Variants in BCAS3 observed in about 807,000 individuals in gnomAD.
The protein encoded by BCAS3 is BCAS4/BCAS3 fusion.
In BCAS3, 53 loss-of-function variants were observed where a neutral mutation model predicts 116.1. The observed-to-expected ratio is 0.46, with a 90% CI of 0.37 to 0.57. The LOEUF (loss-of-function observed/expected upper bound fraction) is 0.57. Among genes scored for constraint, BCAS3 ranks in the 20% least tolerant of loss-of-function variants. The pLI, the probability that BCAS3 is intolerant of heterozygous loss-of-function variation, is 0.00. For synonymous variants in BCAS3, 391 were observed against 408.2 expected (o/e 0.96, Z 0.51); for missense variants, 917 against 1,165.4 (o/e 0.79, Z 3.10).
At chr17:60,707,769 T>C (rs1452304699) in intron 4 of BCAS3, among the ~76,000 whole-genome samples, 1 of 152,222 alleles carries the variant, frequency 6.6e-6, no homozygotes. Context: ...ATATGATTTT[T>C]TGCCTTTATT....
rs778321518 is a variant in BCAS3 at position 61,118,256 on chromosome 17, T to C, written c.2425+33692T>C. On this transcript the variant is annotated intron_variant, in intron 22 of 23. Coordinates refer to ENST00000407086, the MANE Select transcript of BCAS3 (RefSeq NM_017679.5). The surrounding 1 kb of genome is among the most constrained non-coding windows in gnomAD (Gnocchi z 5.0). ...CACTACTGTTACCACCCAATCAGGT[T>C]ACTACTTGGGAGAGATGGAAGTCCC... 1.3e-5 allele frequency among the ~76,000 whole-genome samples: 2 copies of C among 152,328 alleles called. No individual in the cohort carries two copies. The highest frequency in any genetic ancestry group is 4.1e-4 in the South Asian group (2 of 4,832).
In BCAS3 at chr17:61,140,236, CA is replaced by C. The variant is rs572258558; in HGVS notation, c.2425+55680del. On this transcript the variant is annotated intron_variant, in intron 22 of 23. Transcript: ENST00000407086. The surrounding 1 kb of genome is among the most constrained non-coding windows in gnomAD (Gnocchi z 4.2). ...TGGGTGACAGAGCAAGACTCCATCT[CA>C]AAAAAAAGGAACAGAGTCACCAAGA... 6.6e-6 allele frequency among the ~76,000 whole-genome samples: 1 copy of C among 151,312 alleles called. No homozygotes were observed. Among genetic ancestry groups the C allele is most frequent in the Non-Finnish European group, 1.5e-5 (1 of 67,824 alleles).
chr17:61,023,601 A>G lies in BCAS3; in HGVS notation c.1637+7700A>G, dbSNP rs2066019377. Reference sequence around the variant, plus strand: ...CTTCGTGTTTACCTTGTTTTCAGCTAGTAAGATTGAAGACTTTGTGGCACC... The same window carrying G: ...CTTCGTGTTTACCTTGTTTTCAGCTGGTAAGATTGAAGACTTTGTGGCACC... On this transcript the variant is annotated intron_variant, in intron 16 of 23. Coordinates refer to ENST00000407086, the MANE Select transcript of BCAS3 (RefSeq NM_017679.5). This position sits in a 1 kb window ranked among gnomAD's most constrained non-coding sequence, Gnocchi z 4.8. 6.6e-6 allele frequency among the ~76,000 whole-genome samples: 1 copy of G among 152,170 alleles called. No individual in the cohort carries two copies. The highest frequency in any genetic ancestry group is 1.5e-5 in the Non-Finnish European group (1 of 68,010).
intron 22 of BCAS3, among the ~76,000 whole-genome samples, chr17:61,172,661 A>G (rs2078911640): frequency 6.7e-6 from 1 of 148,940 alleles, no homozygotes; most frequent in Admixed American, 6.7e-5. Context: ...AAAATAATTC[A>G]TATTCTGAGT....
intron 22 of BCAS3, among the ~76,000 whole-genome samples, chr17:61,255,050 C>A (rs947807309): frequency 2.0e-5 from 3 of 152,072 alleles, no homozygotes; most frequent in Admixed American, 6.6e-5. Flanking sequence ...ACTTTGGTTT[C>A]ATTAATCTCA....
intron 10 of BCAS3, among the ~76,000 whole-genome samples, chr17:60,893,600 C>CTTTTTTTTTTTTTTTTT (rs930873750): frequency 1.2e-5 from 1 of 82,054 alleles, no homozygotes; most frequent in Admixed American, 1.4e-4. Context: ...GACCTATGAT[C>CTTTTTTTTTTTTTTTTT]TTTTTTTTTT....
Position 60,997,263 on chromosome 17 carries a change from C to T in BCAS3, c.1486+7028C>T, listed in dbSNP as rs375564031. 3.3e-5 allele frequency among the ~76,000 whole-genome samples: 5 copies of T among 152,170 alleles called. No homozygotes were observed. In the Middle Eastern group the frequency reaches 9.5e-3, roughly 289 times the overall value. Reference sequence around the variant, plus strand: ...GTTTCGTACAGGCCACAGACCGGTACCAGTCCACCACCTGGGAGTTGGGAA... The same window carrying T: ...GTTTCGTACAGGCCACAGACCGGTATCAGTCCACCACCTGGGAGTTGGGAA... On this transcript the variant is annotated intron_variant, in intron 15 of 23. Transcript: ENST00000407086.
At chr17:61,207,199 C>T (rs1177855044) in intron 22 of BCAS3, among the ~76,000 whole-genome samples, 1 of 152,080 alleles carries the variant, frequency 6.6e-6, no homozygotes, top group Non-Finnish European at 1.5e-5. Context: ...TATTTTTCTT[C>T]TCTGTCCTTA....
chr17:60,851,593 A>G lies in BCAS3; in HGVS notation c.477-16983A>G, dbSNP rs1022873710. The G allele has an allele frequency of 6.3e-6, 4 of 635,122 alleles. No homozygotes were observed. In the African/African-American group the frequency reaches 7.4e-5, roughly 12 times the overall value. 39.3% of individuals were successfully genotyped at this position (635,122 alleles called of 1,614,324 possible). On this transcript the variant is annotated intron_variant, in intron 7 of 23. Transcript: ENST00000407086. Reference sequence around the variant, plus strand: ...CCCAAAACTTGGGTTAAAGCTTGAAACGAGGAAGTACAAATAAAAGGGCAA... The same window carrying G: ...CCCAAAACTTGGGTTAAAGCTTGAAGCGAGGAAGTACAAATAAAAGGGCAA...
intron 6 of BCAS3, among the ~76,000 whole-genome samples, chr17:60,787,282 A>G (rs1344401578): frequency 6.6e-6 from 1 of 152,190 alleles, no homozygotes; most frequent in African/African-American, 2.4e-5. Flanking sequence ...AAGTTCTCAC[A>G]TGTACTTTCC....
At chr17:60,813,710 G>A (rs1441218295) in intron 7 of BCAS3, among the ~76,000 whole-genome samples, 2 of 152,060 alleles carry the variant, frequency 1.3e-5, no homozygotes, top group African/African-American at 4.8e-5. Context: ...AATTGCTTTT[G>A]AGGACTTTGC....
At chr17:60,892,795 G>A (rs370918337) in intron 10 of BCAS3, among the ~76,000 whole-genome samples, 11 of 152,044 alleles carry the variant, frequency 7.2e-5, no homozygotes, top group South Asian at 4.2e-4. Flanking sequence ...GGTGGTGGGC[G>A]CCTGTAGTCC....
chr17:60,701,697 C>T (rs538639399), intron 4 of BCAS3, among the ~76,000 whole-genome samples: 4 of 151,888 alleles, frequency 2.6e-5, no homozygotes, highest in African/African-American at 4.8e-5. Flanking sequence ...CGGTGGCTCA[C>T]GCCTGTAATC....
At position 60,956,774 on chromosome 17, in the gene BCAS3, AC is replaced by A. The variant is rs1176567228; in HGVS notation, c.1221+9424del. ...GAATTTCTAAACCCCAAATACCAGG[AC>A]CTCAGTGACCACAAAATTAATTTTA... On this transcript the variant is annotated intron_variant, in intron 14 of 23. Transcript: ENST00000407086. The surrounding 1 kb of genome is among the most constrained non-coding windows in gnomAD (Gnocchi z 4.2). Among the ~76,000 whole-genome samples the A allele has an allele frequency of 6.6e-6, 1 of 152,150 alleles. No homozygotes were observed. Among genetic ancestry groups the A allele is most frequent in the Non-Finnish European group, 1.5e-5 (1 of 68,012 alleles).
Position 61,377,319 on chromosome 17 carries a change from G to A in BCAS3, c.2593+8825G>A, listed in dbSNP as rs371449226. On this transcript the variant is annotated intron_variant, in intron 23 of 23. Coordinates refer to ENST00000407086, the MANE Select transcript of BCAS3 (RefSeq NM_017679.5). The surrounding 1 kb of genome is among the most constrained non-coding windows in gnomAD (Gnocchi z 4.6). Reference sequence around the variant, plus strand: ...GACAAGAGGGAGCAGCTGCGCCAGCGAGACTGTGGGACAGCCGGTGGCCTC... The same window carrying A: ...GACAAGAGGGAGCAGCTGCGCCAGCAAGACTGTGGGACAGCCGGTGGCCTC... 1.3e-5 allele frequency among the ~76,000 whole-genome samples: 2 copies of A among 152,318 alleles called. No individual in the cohort carries two copies. Among genetic ancestry groups the A allele is most frequent in the Admixed American group, 6.5e-5 (1 of 15,306 alleles).
chr17:61,038,661 T>C (rs955133033), intron 18 of BCAS3, among the ~76,000 whole-genome samples: 3 of 135,824 alleles, frequency 2.2e-5, no homozygotes, highest in African/African-American at 3.7e-5. Context: ...GTTTTGTTTT[T>C]GTTTTTGTTT....
intron 10 of BCAS3, among the ~76,000 whole-genome samples, chr17:60,897,790 A>G (rs565969210): frequency 1.5e-4 from 23 of 152,260 alleles, no homozygotes; most frequent in South Asian, 6.2e-4. Flanking sequence ...ATCACAGCTC[A>G]CTGCAGCCTA....
rs1419148698 is a variant in BCAS3 at position 61,105,472 on chromosome 17, T to C, written c.2425+20908T>C. Among the ~76,000 whole-genome samples the C allele has an allele frequency of 1.3e-5, 2 of 152,230 alleles. No individual in the cohort carries two copies. Among genetic ancestry groups the C allele is most frequent in the Non-Finnish European group, 2.9e-5 (2 of 68,038 alleles). ...AGAGTTTCGCTCTTGTTGCCCAGGC[T>C]GCAGTGCAATGGCGCGACCTTGGCT... is the stretch of plus-strand genomic sequence containing the variant. On this transcript the variant is annotated intron_variant, in intron 22 of 23. Coordinates refer to ENST00000407086, the MANE Select transcript of BCAS3 (RefSeq NM_017679.5). The surrounding 1 kb of genome is among the most constrained non-coding windows in gnomAD (Gnocchi z 4.3).
At chr17:60,791,444 AGGAGTTTAAGACTAGCCT>A (rs1181156630) in intron 6 of BCAS3, among the ~76,000 whole-genome samples, 4 of 152,204 alleles carry the variant, frequency 2.6e-5, no homozygotes, top group African/African-American at 9.7e-5. Flanking sequence ...ACTTGAGGCC[AGGAGTTTAAGACTAGCCT>A]GGGCACAGAG....
Sources: allele counts gnomAD v4.1 joint callset (sites outside exome capture counted in the v4.1 genomes callset), GRCh38; gene constraint gnomAD v4.1.1; non-coding constraint Gnocchi (gnomAD v3.1); transcripts MANE v1.5; gene names NCBI Gene and HGNC (gene_info 2026-07-23, HGNC 2026-07-21).